Variants in SDC4 observed in about 807,000 individuals in gnomAD.
SDC4 encodes the protein syndecan-4.
SDC4 carries 17 observed loss-of-function variants against 20.5 expected under a neutral mutation model. That is an observed-to-expected ratio of 0.83 (90% CI 0.57 to 1.25). SDC4 has a LOEUF of 1.25. Ranked by LOEUF, SDC4 falls within the 50% of genes most tolerant of loss-of-function variation. SDC4 has a pLI of 0.00. For missense variants in SDC4, 241 were observed against 252.3 expected, an observed-to-expected ratio of 0.96 and a Z score of 0.30; for synonymous variants, 107 against 105.3, an observed-to-expected ratio of 1.02 and a Z score of -0.10.
At chr20:45,330,314 G>C in intron 4 of SDC4, 52 bp downstream of exon 4, 2 of 1,544,044 alleles carry the variant, frequency 1.3e-6, no homozygotes, top group Non-Finnish European at 1.8e-6. Context: ...GCTCTCCCCC[G>C]CTGAGCCCCA....
At chr20:45,332,120 T>C (rs1488855531) in intron 3 of SDC4, among the ~76,000 whole-genome samples, 2 of 151,856 alleles carry the variant, frequency 1.3e-5, no homozygotes, top group Non-Finnish European at 2.9e-5. Flanking sequence ...TCATGACCAG[T>C]CTAAGTGAAA....
At chr20:45,338,834 G>A (rs1022637178) in intron 1 of SDC4, among the ~76,000 whole-genome samples, 12 of 152,130 alleles carry the variant, frequency 7.9e-5, no homozygotes, top group East Asian at 3.9e-4. Context: ...GGGGCTCCGC[G>A]GCACGGCCTG....
chr20:45,329,826 A>G (rs971960410), intron 4 of SDC4, among the ~76,000 whole-genome samples: 4 of 152,216 alleles, frequency 2.6e-5, no homozygotes, highest in African/African-American at 9.7e-5. Context: ...AGCCCTTTAT[A>G]GTGTGCAAAG....
intron 1 of SDC4, among the ~76,000 whole-genome samples, chr20:45,347,754 T>C (rs1299538754): frequency 1.3e-5 from 2 of 152,048 alleles, no homozygotes; most frequent in East Asian, 1.9e-4. Flanking sequence ...TGGTGCAGTA[T>C]TGGGAAGAGA....
In SDC4 at chr20:45,330,445, ACT is replaced by A; in HGVS notation, c.364_365del (p.Ser122Ter). 6.2e-7 allele frequency: 1 copy of A among 1,613,740 alleles called. No homozygotes were observed. Among genetic ancestry groups the A allele is most frequent in the Non-Finnish European group, 8.5e-7 (1 of 1,179,966 alleles). On this transcript the variant is annotated frameshift_variant, in exon 4 of 5. Coordinates refer to ENST00000372733, the MANE Select transcript of SDC4 (RefSeq NM_002999.4). LOFTEE classifies it high-confidence loss of function. ...TTGACACCTTGTTGGACACATCCTC[ACT>A]CTCTTCAACGGGTGAGATTCTCTTG... ...IPKRISPVEE[S>X]EDVSNKVSMS...
chr20:45,338,608 G>C (rs547569207), intron 1 of SDC4, among the ~76,000 whole-genome samples: 1 of 152,202 alleles, frequency 6.6e-6, no homozygotes, highest in East Asian at 1.9e-4. Flanking sequence ...CATGCCCACT[G>C]GCTGTTAGGA....
At chr20:45,345,077 C>G (rs1293995811) in intron 1 of SDC4, 1 of 152,158 alleles carries the variant, frequency 6.6e-6, no homozygotes, top group African/African-American at 2.4e-5. Flanking sequence ...GGGAGATACT[C>G]ATACTAGCAA....
intron 1 of SDC4, among the ~76,000 whole-genome samples, chr20:45,338,352 A>C (rs535352469): frequency 6.7e-5 from 10 of 150,258 alleles, no homozygotes; most frequent in African/African-American, 2.0e-4. Flanking sequence ...GCTCCAAGGG[A>C]GCCCTGTTAA....
At chr20:45,347,691 C>A (rs930146772) in intron 1 of SDC4, among the ~76,000 whole-genome samples, 5 of 152,206 alleles carry the variant, frequency 3.3e-5, no homozygotes, top group African/African-American at 1.2e-4. Flanking sequence ...GAGTCCCCAA[C>A]TTTCTAGAAA....
chr20:45,336,229 A>G (rs1412906169), intron 1 of SDC4, among the ~76,000 whole-genome samples: 13 of 152,200 alleles, frequency 8.5e-5, no homozygotes, highest in Non-Finnish European at 7.3e-5. Context: ...CCTGGCCAAC[A>G]TGGTGAAACC....
chr20:45,333,285 G>A (rs1294143574), intron 2 of SDC4, among the ~76,000 whole-genome samples: 1 of 152,176 alleles, frequency 6.6e-6, no homozygotes, highest in Admixed American at 6.5e-5. Context: ...TGAGCTGGCA[G>A]CTGGGCAGAG....
At position 45,330,361 on chromosome 20, in the gene SDC4, C is replaced by G. The variant is rs762757648; in HGVS notation, c.445+5G>C. The G allele has an allele frequency of 6.2e-7, 1 of 1,613,610 alleles. No individual in the cohort carries two copies. Among genetic ancestry groups the G allele is most frequent in the Non-Finnish European group, 8.5e-7 (1 of 1,179,946 alleles). ...AGGCATCTTATAAGCAGCATGGGGA[C>G]TTACCTGCCAGGACCTCCGTTCTCT... On this transcript the variant is annotated splice_donor_5th_base_variant and intron_variant, in intron 4 of 4. Transcript: ENST00000372733.
At chr20:45,343,387 C>T (rs990841560) in intron 1 of SDC4, among the ~76,000 whole-genome samples, 4 of 152,220 alleles carry the variant, frequency 2.6e-5, no homozygotes, top group Admixed American at 2.0e-4. Flanking sequence ...AGGGTAGAAA[C>T]TCTGCCCCTC....
intron 1 of SDC4, among the ~76,000 whole-genome samples, chr20:45,336,905 C>T (rs1272668317): frequency 6.6e-6 from 1 of 152,064 alleles, no homozygotes; most frequent in Non-Finnish European, 1.5e-5. Context: ...CACAGATCTA[C>T]TCTGCTGCCA....
rs909893906 is a variant in SDC4 at position 45,348,229 on chromosome 20, C to T, written c.60+96G>A. ...TGTCCGGTTGGGGGTAGCGTACCCCCGATCTGCCCCCCCCCATCCCACGCT... is the reference window on the plus strand; with the variant it reads ...TGTCCGGTTGGGGGTAGCGTACCCCTGATCTGCCCCCCCCCATCCCACGCT... On this transcript the variant is annotated intron_variant, in intron 1 of 4. Coordinates refer to ENST00000372733, the MANE Select transcript of SDC4 (RefSeq NM_002999.4). 40 of 989,852 alleles carry T rather than the reference C, an allele frequency of 4.0e-5. 1 individual carries two copies. Among genetic ancestry groups the T allele is most frequent in the Admixed American group, 8.9e-5 (4 of 45,166 alleles). 61.3% of individuals were successfully genotyped at this position (989,852 alleles called of 1,614,324 possible).
intron 4 of SDC4, among the ~76,000 whole-genome samples, chr20:45,329,133 G>C (rs1347211455): frequency 6.6e-6 from 1 of 152,194 alleles, no homozygotes; most frequent in Non-Finnish European, 1.5e-5. Context: ...ATTTAATAAG[G>C]CTCCTGGGTG....
At position 45,347,251 on chromosome 20, in the gene SDC4, A is replaced by C. The variant is rs913901247; in HGVS notation, c.60+1074T>G. ...AGGAACAGGAGCCCCAAGGCTTTCAAAGAAATTAACATTAATGGTTAAACT... is the reference window on the plus strand; with the variant it reads ...AGGAACAGGAGCCCCAAGGCTTTCACAGAAATTAACATTAATGGTTAAACT... On this transcript the variant is annotated intron_variant, in intron 1 of 4. Coordinates refer to ENST00000372733, the MANE Select transcript of SDC4 (RefSeq NM_002999.4). 1.4e-4 allele frequency among the ~76,000 whole-genome samples: 21 copies of C among 152,304 alleles called. 1 individual carries two copies. Among genetic ancestry groups the C allele is most frequent in the Admixed American group, 1.2e-3 (19 of 15,294 alleles).
At chr20:45,333,171 A>G (rs1600729832) in intron 2 of SDC4, 102 bp from the exon 3 acceptor site, 1 of 1,076,254 alleles carries the variant, frequency 9.3e-7, no homozygotes, top group Non-Finnish European at 1.4e-6. Context: ...CAGCTTCCAA[A>G]TGCTCAATGT....
rs1196630103 is a variant in SDC4 at position 45,335,764 on chromosome 20, C to T, written c.199+18G>A. 8 of 1,612,534 alleles carry T rather than the reference C, an allele frequency of 5.0e-6. No individual in the cohort carries two copies. In the East Asian group the frequency reaches 1.6e-4, roughly 31 times the overall value. On this transcript the variant is annotated intron_variant, in intron 2 of 4. Coordinates refer to ENST00000372733, the MANE Select transcript of SDC4 (RefSeq NM_002999.4). Reference sequence around the variant, plus strand: ...CCTCCAGCTTTGTGCCTACGCCTGCCCAGCACACCTTCCGTACCCAGATCT... The same window carrying T: ...CCTCCAGCTTTGTGCCTACGCCTGCTCAGCACACCTTCCGTACCCAGATCT...
Sources: gnomAD v4.1 joint callset for allele counts (sites outside exome capture counted in the v4.1 genomes callset) on GRCh38, gnomAD v4.1.1 for gene constraint, MANE v1.5 for transcripts, NCBI Gene and HGNC (gene_info 2026-07-23, HGNC 2026-07-21) for gene names.